The following KCNMA1 variants were observed in gnomAD, a reference collection of about 807,000 sequenced individuals.
KCNMA1 encodes the protein potassium calcium-activated channel subfamily M alpha 1.
KCNMA1 carries 29 observed loss-of-function variants against 140.0 expected under a neutral mutation model. The ratio of observed to expected loss-of-function variants is 0.21; its 90% CI spans 0.15 to 0.28. The LOEUF (loss-of-function observed/expected upper bound fraction) is 0.28. KCNMA1 is among the 10% of genes least tolerant of loss of function. The probability of loss-of-function intolerance (pLI) is 1.00; values close to 1 mark genes in which losing one functional copy is unlikely to be tolerated. For synonymous variants in KCNMA1, 612 were observed against 611.9 expected, an observed-to-expected ratio of 1.00 and a Z score of 0.00; for missense variants, 880 against 1,602.2, an observed-to-expected ratio of 0.55 and a Z score of 7.70.
At chr10:76,939,606 C>A (rs1444098229) in intron 23 of KCNMA1, 1 of 152,246 alleles carries the variant, frequency 6.6e-6, no homozygotes, top group Admixed American at 6.5e-5. Context: ...CCTTTGGTCA[C>A]CTTTGTGTTC....
At chr10:77,440,818 T>G (rs986728951) in intron 1 of KCNMA1, among the ~76,000 whole-genome samples, 1 of 152,050 alleles carries the variant, frequency 6.6e-6, no homozygotes, top group Non-Finnish European at 1.5e-5. Flanking sequence ...ATTCTTTTTT[T>G]GTTTTTGTTT....
intron 14 of KCNMA1, among the ~76,000 whole-genome samples, chr10:77,064,559 C>T (rs2095863192): frequency 6.6e-6 from 1 of 152,180 alleles, no homozygotes; most frequent in South Asian, 2.1e-4. Flanking sequence ...TTACCAGGGC[C>T]ATAGGGGAAA....
chr10:77,079,865 A>G (rs2153734091), intron 12 of KCNMA1, among the ~76,000 whole-genome samples: 1 of 152,332 alleles, frequency 6.6e-6, no homozygotes, highest in African/African-American at 2.4e-5. Flanking sequence ...GGGGATTGAA[A>G]TGCTTCATAT....
intron 20 of KCNMA1, among the ~76,000 whole-genome samples, chr10:76,958,669 G>A (rs1260186727): frequency 1.3e-5 from 2 of 152,130 alleles, no homozygotes; most frequent in African/African-American, 2.4e-5. Flanking sequence ...TTCCACAGGA[G>A]GGAAAATCAT....
chr10:77,012,581 CCA>C, intron 17 of KCNMA1: 1 of 1,541,932 alleles, frequency 6.5e-7, no homozygotes, highest in African/African-American at 1.4e-5. Context: ...AAAACGAAAG[CCA>C]CGAGTCAGTG....
At chr10:77,239,013 C>T (rs1024140477) in intron 3 of KCNMA1, among the ~76,000 whole-genome samples, 2 of 152,208 alleles carry the variant, frequency 1.3e-5, no homozygotes, top group Admixed American at 6.5e-5. Flanking sequence ...CACACAGACA[C>T]AGCCGCCAAA....
intron 1 of KCNMA1, among the ~76,000 whole-genome samples, chr10:77,557,558 A>T (rs10824552): frequency 0.083 from 12,619 of 151,556 alleles, 707 homozygotes; most frequent in Admixed American, 0.14. Context: ...GGATATATAT[A>T]TTTTTTTAAA....
intron 14 of KCNMA1, among the ~76,000 whole-genome samples, chr10:77,050,776 A>C (rs926987493): frequency 6.6e-6 from 1 of 152,208 alleles, no homozygotes; most frequent in African/African-American, 2.4e-5. Context: ...CCTTGAGGAC[A>C]AGAGATTCAG....
chr10:77,371,077 C>T (rs2154412669), intron 2 of KCNMA1, among the ~76,000 whole-genome samples: 1 of 152,320 alleles, frequency 6.6e-6, no homozygotes, highest in Admixed American at 6.5e-5. Flanking sequence ...GAAATACAGG[C>T]TAGCACCGCC....
intron 5 of KCNMA1, chr10:77,150,027 T>C (rs151166279): frequency 6.6e-6 from 1 of 152,210 alleles, no homozygotes; most frequent in East Asian, 1.9e-4. Flanking sequence ...ACTCCAGAAG[T>C]TGGTCTCGGG....
At chr10:76,962,687 G>A (rs2072152507) in intron 20 of KCNMA1, among the ~76,000 whole-genome samples, 1 of 152,132 alleles carries the variant, frequency 6.6e-6, no homozygotes, top group South Asian at 2.1e-4. Flanking sequence ...TAATTTCCAT[G>A]TCTGTTTTAT....
At chr10:77,300,896 C>T (rs752587640) in intron 2 of KCNMA1, among the ~76,000 whole-genome samples, 1 of 152,316 alleles carries the variant, frequency 6.6e-6, no homozygotes, top group South Asian at 2.1e-4. Context: ...TGAGCCCGAG[C>T]TGCTCACAGA....
intron 1 of KCNMA1, among the ~76,000 whole-genome samples, chr10:77,414,937 AG>A (rs1293979376): frequency 6.6e-6 from 1 of 152,218 alleles, no homozygotes. Flanking sequence ...GTCTTGGGAT[AG>A]GTCCAATGTG....
chr10:77,189,838 C>A (rs750562483), intron 3 of KCNMA1, among the ~76,000 whole-genome samples: 2 of 152,124 alleles, frequency 1.3e-5, no homozygotes, highest in Non-Finnish European at 2.9e-5. Flanking sequence ...AGACTCTTTT[C>A]CTAGTCTCAC....
intron 2 of KCNMA1, among the ~76,000 whole-genome samples, chr10:77,268,795 T>C (rs1447115644): frequency 5.9e-5 from 9 of 152,280 alleles, no homozygotes; most frequent in Admixed American, 4.6e-4. Context: ...CTTAAGACCA[T>C]GCAGGATGGG....
intron 14 of KCNMA1, among the ~76,000 whole-genome samples, chr10:77,046,926 G>A (rs910586328): frequency 1.3e-5 from 2 of 152,228 alleles, no homozygotes; most frequent in African/African-American, 4.8e-5. Flanking sequence ...GAAAGCAGAA[G>A]AGAATAGTGA....
chr10:76,942,172 C>T (rs946720192), intron 23 of KCNMA1, among the ~76,000 whole-genome samples: 2 of 152,022 alleles, frequency 1.3e-5, no homozygotes, highest in Admixed American at 1.3e-4. Flanking sequence ...TTGGGTTTCG[C>T]CATGTTGGCC....
At chr10:77,487,194 C>T (rs1211528735) in intron 1 of KCNMA1, among the ~76,000 whole-genome samples, 1 of 152,152 alleles carries the variant, frequency 6.6e-6, no homozygotes, top group Non-Finnish European at 1.5e-5. Context: ...ACAGACTTGG[C>T]CCTGAAATTC....
chr10:77,328,933 T>C (rs1054217008), intron 2 of KCNMA1, among the ~76,000 whole-genome samples: 6 of 152,054 alleles, frequency 3.9e-5, no homozygotes, highest in Non-Finnish European at 5.9e-5. Context: ...CTTCACCTCC[T>C]CAGTTCATGC....
Sources: allele counts gnomAD v4.1 joint callset (sites outside exome capture counted in the v4.1 genomes callset), GRCh38; gene constraint gnomAD v4.1.1; transcripts MANE v1.5; gene names NCBI Gene and HGNC (gene_info 2026-07-23, HGNC 2026-07-21).